KRIT1: variants seen among roughly 807,000 people sequenced by gnomAD.
KRIT1 encodes the protein krev interaction trapped protein 1.
KRIT1 carries 45 observed loss-of-function variants against 95.8 expected under a neutral mutation model. The observed-to-expected ratio is 0.47, with a 90% CI of 0.37 to 0.60. KRIT1 has a LOEUF of 0.60. KRIT1 is among the 20% of genes least tolerant of loss of function. The pLI is 0.00. For synonymous variants in KRIT1, 282 were observed against 278.8 expected (o/e 1.01, Z -0.11); for missense variants, 788 against 877.5 (o/e 0.90, Z 1.29).
rs755097554 is a variant in KRIT1 at position 92,241,137 on chromosome 7, C to T, written c.118G>A (p.Val40Ile). 1.7e-5 allele frequency: 28 copies of T among 1,608,828 alleles called. No homozygotes were observed. The highest frequency in any genetic ancestry group is 2.4e-5 in the Non-Finnish European group (28 of 1,175,760). ...AKSYEILLHEVPIEGQKKKRK... is the reference protein window; with the variant it reads ...AKSYEILLHEIPIEGQKKKRK... ...TTTTTTTTCTGTCCTTCAATGGGAA[C>T]TTCATGCAACAAAATCTTAGATGAG... The change falls in exon 5 of 19, where the codon GTT (valine) becomes ATT (isoleucine). Residue 40 changes from valine (V) to isoleucine (I), a missense_variant. Transcript: ENST00000394505.
chr7:92,230,370 C>T (rs984908525), intron 10 of KRIT1, among the ~76,000 whole-genome samples: 2 of 152,072 alleles, frequency 1.3e-5, no homozygotes, highest in African/African-American at 4.8e-5. Flanking sequence ...GATAAGATAT[C>T]AATAATACCT....
In KRIT1 at chr7:92,222,849, T is replaced by C. The variant is rs141514714; in HGVS notation, c.1384A>G (p.Thr462Ala). The C allele has an allele frequency of 2.7e-5, 44 of 1,607,332 alleles. No homozygotes were observed. In the African/African-American group the frequency reaches 4.4e-4, roughly 16 times the overall value. ...RLSQETQQYF[T>A]IWICSENLSL... The stretch of plus-strand genomic sequence containing the variant: ...AGGTTTTCTGAACAAATCCATATAG[T>C]GAAATATTGCTGAGTTTCTTGAGAG... Residue 462 changes from threonine (T) to alanine (A), a missense_variant, in exon 13 of 19, where the codon ACT (threonine) becomes GCT (alanine). Physicochemically the swap from Thr to Ala is moderately conservative, Grantham distance 58. Coordinates refer to ENST00000394505, the MANE Select transcript of KRIT1 (RefSeq NM_194454.3).
In KRIT1 at chr7:92,200,069, T is replaced by G. The variant is rs558631760; in HGVS notation, c.*667A>C. ...AATCATGTTGACGTTCAGTATATTT[T>G]GAAATACACATGAAGTTATACCAAA... is the stretch of plus-strand genomic sequence containing the variant. On this transcript the variant is annotated 3_prime_UTR_variant, in exon 19 of 19. Coordinates refer to ENST00000394505, the MANE Select transcript of KRIT1 (RefSeq NM_194454.3). 42 of 152,822 alleles carry G rather than the reference T, an allele frequency of 2.7e-4. No individual in the cohort carries two copies. Among genetic ancestry groups the G allele is most frequent in the Admixed American group, 2.7e-3 (42 of 15,300 alleles). 9.5% of individuals were successfully genotyped at this position (152,822 alleles called of 1,614,324 possible).
At chr7:92,235,180 A>T (rs1331623624) in intron 8 of KRIT1, among the ~76,000 whole-genome samples, 1 of 152,060 alleles carries the variant, frequency 6.6e-6, no homozygotes, top group Non-Finnish European at 1.5e-5. Flanking sequence ...TTGTATTTTT[A>T]GTAGAGACGA....
chr7:92,220,933 C>A (rs1440724166), intron 14 of KRIT1, among the ~76,000 whole-genome samples: 1 of 151,674 alleles, frequency 6.6e-6, no homozygotes, highest in Non-Finnish European at 1.5e-5. Flanking sequence ...CGTGATCCAC[C>A]CGCCTTGGCC....
upstream of KRIT1, chr7:92,245,989 C>A: frequency 4.3e-6 from 1 of 234,426 alleles, no homozygotes; most frequent in Non-Finnish European, 8.4e-6. Context: ...GGCGGCCGGG[C>A]TGCTGCCGTT....
At chr7:92,227,755 T>C (rs1415702778) in intron 10 of KRIT1, among the ~76,000 whole-genome samples, 3 of 151,876 alleles carry the variant, frequency 2.0e-5, no homozygotes, top group South Asian at 2.1e-4. Flanking sequence ...GGCTCATGCC[T>C]ATAATCCCAA....
At chr7:92,221,113 T>G (rs1400676851) in intron 14 of KRIT1, among the ~76,000 whole-genome samples, 1 of 152,184 alleles carries the variant, frequency 6.6e-6, no homozygotes, top group Non-Finnish European at 1.5e-5. Flanking sequence ...CATTTTTTAC[T>G]ATGTATAGAG....
intron 17 of KRIT1, among the ~76,000 whole-genome samples, chr7:92,210,808 T>C (rs907621005): frequency 6.6e-6 from 1 of 152,162 alleles, no homozygotes; most frequent in African/African-American, 2.4e-5. Flanking sequence ...ATATCCAAAA[T>C]TTACAAGGAA....
chr7:92,246,017 GACCTGCA>G, upstream of KRIT1: 1 of 257,028 alleles, frequency 3.9e-6, no homozygotes, highest in South Asian at 3.5e-5. Flanking sequence ...CTTTTCACTG[GACCTGCA>G]GTCTCTCAGG....
chr7:92,235,599 A>C lies in KRIT1; in HGVS notation c.533T>G (p.Phe178Cys). 1 of 1,613,870 alleles carries C rather than the reference A, an allele frequency of 6.2e-7. No individual in the cohort carries two copies. The highest frequency in any genetic ancestry group is 8.5e-7 in the Non-Finnish European group (1 of 1,179,842). Residue 178 changes from phenylalanine (F) to cysteine (C), a missense_variant, in exon 8 of 19, where the codon TTC becomes TGC. Physicochemically the swap from Phe to Cys is radical, Grantham distance 205 (BLOSUM62 -2). Transcript: ENST00000394505. ...TATCCGCTCAAGAGGAGAAGGTCGGAATAAAGCTGGAATAAAGTGAGATTG... is the reference window on the plus strand; with the variant it reads ...TATCCGCTCAAGAGGAGAAGGTCGGCATAAAGCTGGAATAAAGTGAGATTG... ...HAQSHFIPAL[F>C]RPSPLERIKT...
chr7:92,210,112 T>C (rs556272594), intron 17 of KRIT1, among the ~76,000 whole-genome samples: 5 of 151,900 alleles, frequency 3.3e-5, no homozygotes, highest in Non-Finnish European at 7.4e-5. Context: ...AACAGCAATA[T>C]TACCCAAAGC....
intron 17 of KRIT1, among the ~76,000 whole-genome samples, chr7:92,209,575 G>C (rs1286504857): frequency 6.6e-6 from 1 of 151,926 alleles, no homozygotes; most frequent in Non-Finnish European, 1.5e-5. Context: ...TGAACCAGCT[G>C]AAAAAGAAAT....
chr7:92,224,431 A>C (rs774819296), intron 12 of KRIT1, among the ~76,000 whole-genome samples: 1 of 152,180 alleles, frequency 6.6e-6, no homozygotes, highest in African/African-American at 2.4e-5. Flanking sequence ...GTGAATAGCC[A>C]CTGTACTCCA....
At chr7:92,228,654 CA>C (rs1796686620) in intron 10 of KRIT1, among the ~76,000 whole-genome samples, 1 of 152,096 alleles carries the variant, frequency 6.6e-6, no homozygotes, top group African/African-American at 2.4e-5. Context: ...AAATTCTTGT[CA>C]TGGGGGTGTG....
In KRIT1 at chr7:92,222,901, C is replaced by T. The variant is rs559639590; in HGVS notation, c.1332G>A (p.Val444=). 3.7e-6 allele frequency: 6 copies of T among 1,602,194 alleles called. No individual in the cohort carries two copies. The East Asian group carries it at 1.1e-4, about 30-fold the overall frequency. ...GACGCATTCCTTCCATTATCTGCTG[C>T]ACTGTGGTATTATTTCCATGCTTCA... is the stretch of plus-strand genomic sequence containing the variant. ...VELKHGNNTT[V]QQIMEGMRLS... is the part of the protein sequence containing the mutation. Residue 444 remains valine, a synonymous_variant, in exon 13 of 19, where the codon GTG becomes GTA. Coordinates refer to ENST00000394505, the MANE Select transcript of KRIT1 (RefSeq NM_194454.3).
intron 10 of KRIT1, among the ~76,000 whole-genome samples, chr7:92,228,263 T>C (rs938952465): frequency 6.6e-6 from 1 of 152,210 alleles, no homozygotes; most frequent in Non-Finnish European, 1.5e-5. Context: ...GTACAATGCA[T>C]ACGCACACAG....
intron 11 of KRIT1, 124 bp from the exon 12 acceptor site, chr7:92,225,951 T>C (rs1796128798): frequency 3.1e-6 from 2 of 651,124 alleles, no homozygotes; most frequent in South Asian, 3.6e-5. Context: ...AAAGTAAATA[T>C]TAACCACACT....
At chr7:92,234,140 C>A (rs953265577) in intron 10 of KRIT1, among the ~76,000 whole-genome samples, 37 of 152,212 alleles carry the variant, frequency 2.4e-4, no homozygotes, top group Admixed American at 9.2e-4. Context: ...AGAGAAACTG[C>A]AAAACAAGAG....
Sources: allele counts gnomAD v4.1 joint callset (sites outside exome capture counted in the v4.1 genomes callset), GRCh38; gene constraint gnomAD v4.1.1; transcripts MANE v1.5; gene names NCBI Gene and HGNC (gene_info 2026-07-23, HGNC 2026-07-21).